Variants in CMSS1 observed in about 807,000 individuals in gnomAD.
The protein encoded by CMSS1 is protein CMSS1.
CMSS1 carries 33 observed loss-of-function variants against 43.5 expected under a neutral mutation model. That is an observed-to-expected ratio of 0.76 (90% CI 0.57 to 1.01). CMSS1 has a LOEUF of 1.01. Ranked by LOEUF, CMSS1 falls within the 50% of genes least tolerant of loss-of-function variation. The pLI, the probability that CMSS1 is intolerant of heterozygous loss-of-function variation, is 0.00. For missense variants in CMSS1, 313 were observed against 326.4 expected, an observed-to-expected ratio of 0.96 and a Z score of 0.32; for synonymous variants, 115 against 117.2, an observed-to-expected ratio of 0.98 and a Z score of 0.12.
intron 1 of CMSS1, among the ~76,000 whole-genome samples, chr3:100,020,646 A>G (rs1354169002): frequency 2.6e-5 from 4 of 152,186 alleles, no homozygotes; most frequent in Non-Finnish European, 5.9e-5. Context: ...AAATAGTCTT[A>G]AAGTTCTTAA....
At chr3:100,071,200 G>C (rs1256550238) in intron 1 of CMSS1, among the ~76,000 whole-genome samples, 5 of 148,788 alleles carry the variant, frequency 3.4e-5, no homozygotes, top group Non-Finnish European at 5.9e-5. Flanking sequence ...TGCTGGGGAA[G>C]TGGAGAAAAG....
intron 1 of CMSS1, among the ~76,000 whole-genome samples, chr3:100,049,850 CTT>C (rs1185240050): frequency 6.6e-6 from 1 of 152,036 alleles, no homozygotes; most frequent in Admixed American, 6.6e-5. Context: ...TGTTAATTGA[CTT>C]TTTATTTTAT....
At chr3:100,083,993 TTCTCC>T (rs1401030065) in intron 1 of CMSS1, among the ~76,000 whole-genome samples, 1 of 152,212 alleles carries the variant, frequency 6.6e-6, no homozygotes, top group Admixed American at 6.5e-5. Flanking sequence ...CAAAGAATAT[TTCTCC>T]GTTATAGTTA....
rs544942870 is a variant in CMSS1, at chr3:99,819,605, C to T, written c.64+1562C>T. 7.9e-5 allele frequency among the ~76,000 whole-genome samples: 12 copies of T among 152,226 alleles called. No homozygotes were observed. In the East Asian group the frequency reaches 2.3e-3, roughly 29 times the overall value. ...TAGGAACACACATTGAAGAAGAGGT[C>T]TGGGAAGAGTTTAGTCAAGTGTGAT... On this transcript the variant is annotated intron_variant, in intron 1 of 9. Coordinates refer to ENST00000421999, the MANE Select transcript of CMSS1 (RefSeq NM_032359.4).
chr3:99,820,901 G>A (rs1942426426), intron 1 of CMSS1, among the ~76,000 whole-genome samples: 1 of 152,200 alleles, frequency 6.6e-6, no homozygotes, highest in African/African-American at 2.4e-5. Context: ...TTGTATTGGT[G>A]CTTTTATTCC....
intron 1 of CMSS1, among the ~76,000 whole-genome samples, chr3:99,836,647 C>T (rs540958062): frequency 7.9e-5 from 12 of 152,334 alleles, no homozygotes; most frequent in African/African-American, 2.9e-4. Flanking sequence ...TGCCCACATC[C>T]TCTGCACAAG....
chr3:99,833,912 C>T (rs75718785), intron 1 of CMSS1, among the ~76,000 whole-genome samples: 3 of 152,174 alleles, frequency 2.0e-5, no homozygotes, highest in African/African-American at 7.2e-5. Context: ...GTTTTTATCT[C>T]AGTGTTTAAT....
chr3:100,093,140 C>T (rs919953341), intron 1 of CMSS1, among the ~76,000 whole-genome samples: 2 of 152,222 alleles, frequency 1.3e-5, no homozygotes, highest in Admixed American at 6.5e-5. Flanking sequence ...ATACTCTATG[C>T]ACTGGTCATC....
chr3:100,124,127 A>T (rs1427727450), intron 1 of CMSS1, among the ~76,000 whole-genome samples: 1 of 152,228 alleles, frequency 6.6e-6, no homozygotes, highest in African/African-American at 2.4e-5. Context: ...AAGGTGCTGT[A>T]TACATACAAA....
intron 1 of CMSS1, among the ~76,000 whole-genome samples, chr3:99,929,253 C>T (rs1707393483): frequency 6.6e-6 from 1 of 152,164 alleles, no homozygotes; most frequent in Non-Finnish European, 1.5e-5. Context: ...TTGGGACTGC[C>T]CACCTTTGCC....
chr3:99,928,676 G>A (rs950376422), intron 1 of CMSS1, among the ~76,000 whole-genome samples: 4 of 152,186 alleles, frequency 2.6e-5, no homozygotes, highest in Admixed American at 1.3e-4. Context: ...GAGAGGTTAT[G>A]CCATTTGTAG....
rs146027654 is a variant in CMSS1, at chr3:100,073,430, T to C, written c.65-73543T>C. ...ATGAAAGTATACATTTAAATACAAA[T>C]AGAGTAAATGTTGTCTGCAGCTTCC... On this transcript the variant is annotated intron_variant, in intron 1 of 9. Coordinates refer to ENST00000421999, the MANE Select transcript of CMSS1 (RefSeq NM_032359.4). Among the ~76,000 whole-genome samples the C allele has an allele frequency of 5.5e-3, 841 of 152,124 alleles. 19 individuals are homozygous for C. Among genetic ancestry groups the C allele is most frequent in the Admixed American group, 0.039 (591 of 15,280 alleles).
At chr3:100,123,964 G>A (rs1056321981) in intron 1 of CMSS1, among the ~76,000 whole-genome samples, 1 of 152,188 alleles carries the variant, frequency 6.6e-6, no homozygotes, top group East Asian at 1.9e-4. Flanking sequence ...TGGGTAGAGA[G>A]GGAGAATTAG....
intron 1 of CMSS1, among the ~76,000 whole-genome samples, chr3:99,889,341 T>G (rs1190708531): frequency 1.3e-5 from 2 of 152,138 alleles, no homozygotes; most frequent in Non-Finnish European, 2.9e-5. Context: ...TAACCCTTTA[T>G]AGATGTTTTT....
In CMSS1 at chr3:100,162,449, A is replaced by G; in HGVS notation, c.355+17A>G. 1 of 1,603,000 alleles carries G rather than the reference A, an allele frequency of 6.2e-7. No homozygotes were observed. The highest frequency in any genetic ancestry group is 8.5e-7 in the Non-Finnish European group (1 of 1,175,052). On this transcript the variant is annotated intron_variant, in intron 4 of 9. Coordinates refer to ENST00000421999, the MANE Select transcript of CMSS1 (RefSeq NM_032359.4). ...ACCTGCCAGGTATAGCCAAGCTTCA[A>G]TTTTCCTAAAGACAAGGAGCAAAAC...
At position 100,136,538 on chromosome 3, in the gene CMSS1, T is replaced by G. The variant is rs148574711; in HGVS notation, c.65-10435T>G. 3.4e-3 allele frequency among the ~76,000 whole-genome samples: 520 copies of G among 152,360 alleles called. 2 individuals are homozygous for G. The highest frequency in any genetic ancestry group is 0.012 in the African/African-American group (507 of 41,602). On this transcript the variant is annotated intron_variant, in intron 1 of 9. Transcript: ENST00000421999. ...CTCTCCTTCAATGAATTCCTCATTTTCATACAGGCCCTGCCCCATTTTCCT... is the reference window on the plus strand; with the variant it reads ...CTCTCCTTCAATGAATTCCTCATTTGCATACAGGCCCTGCCCCATTTTCCT...
intron 1 of CMSS1, among the ~76,000 whole-genome samples, chr3:99,966,063 C>T (rs1474606898): frequency 6.6e-6 from 1 of 152,200 alleles, no homozygotes; most frequent in Non-Finnish European, 1.5e-5. Context: ...AATAGGGGTA[C>T]AGCACAACAG....
chr3:99,983,474 A>ATGTG (rs1709223763), intron 1 of CMSS1, among the ~76,000 whole-genome samples: 1 of 16,706 alleles, frequency 6.0e-5, no homozygotes, highest in African/African-American at 2.1e-4. Context: ...GTATATATAT[A>ATGTG]TATATATATA....
chr3:99,985,071 G>A (rs75556091), intron 1 of CMSS1, among the ~76,000 whole-genome samples: 2,165 of 152,286 alleles, frequency 0.014, 30 homozygotes, highest in Non-Finnish European at 0.023. Context: ...GTTAGAAGTT[G>A]CATATTCTGC....
Sources: allele counts gnomAD v4.1 joint callset (sites outside exome capture counted in the v4.1 genomes callset), GRCh38; gene constraint gnomAD v4.1.1; transcripts MANE v1.5; gene names NCBI Gene and HGNC (gene_info 2026-07-23, HGNC 2026-07-21).